The following ARPP21 variants were observed in gnomAD, a reference collection of about 807,000 sequenced individuals.
The protein encoded by ARPP21 is cAMP-regulated phosphoprotein 21.
In ARPP21, 69 loss-of-function variants were observed where a neutral mutation model predicts 113.2. The ratio of observed to expected loss-of-function variants is 0.61; its 90% CI spans 0.50 to 0.74. ARPP21 has a LOEUF of 0.74. Ranked by LOEUF, ARPP21 falls within the 30% of genes least tolerant of loss-of-function variation. The pLI is 0.00. For missense variants in ARPP21, 1,070 were observed against 1,037.4 expected (o/e 1.03, Z -0.43); for synonymous variants, 368 against 375.5 (o/e 0.98, Z 0.23).
chr3:35,648,267 A>ATATGGGTATTAT (rs1424201272), intron 1 of ARPP21, among the ~76,000 whole-genome samples: 1 of 152,192 alleles, frequency 6.6e-6, no homozygotes, highest in Non-Finnish European at 1.5e-5. Flanking sequence ...AAATGTTAAC[A>ATATGGGTATTAT]TATGGGTATT....
intron 9 of ARPP21, among the ~76,000 whole-genome samples, chr3:35,700,004 A>T (rs1214545946): frequency 6.6e-6 from 1 of 151,778 alleles, no homozygotes; most frequent in African/African-American, 2.4e-5. Flanking sequence ...TTTTGGATCA[A>T]TAATAATGTT....
Position 35,689,327 on chromosome 3 carries a change from G to C in ARPP21, c.427G>C (p.Asp143His). The C allele has an allele frequency of 6.3e-7, 1 of 1,577,962 alleles. No individual in the cohort carries two copies. The highest frequency in any genetic ancestry group is 8.7e-7 in the Non-Finnish European group (1 of 1,148,124). Residue 143 changes from aspartate (D) to histidine (H), a missense_variant, in exon 7 of 21, where the codon GAT becomes CAT. By Grantham distance (81) the Asp-to-His change is moderately conservative. Coordinates refer to ENST00000684406, the MANE Select transcript of ARPP21 (RefSeq NM_001385562.1). ...TTCAGATTGCAGCCAAGAATACACG[G>C]ATTCTACAGGCATAGACTTACACGA... ...LSKDCSQEYT[D>H]STGIDLHEFL...
chr3:35,690,759 A>T (rs2082015927), intron 8 of ARPP21, 106 bp from the exon 9 acceptor site: 1 of 1,030,050 alleles, frequency 9.7e-7, no homozygotes, highest in Non-Finnish European at 1.4e-6. Flanking sequence ...CAATAGGCTT[A>T]GTGGTTTAGA....
At chr3:35,667,391 A>G (rs2074656749) in intron 1 of ARPP21, among the ~76,000 whole-genome samples, 1 of 152,134 alleles carries the variant, frequency 6.6e-6, no homozygotes, top group Non-Finnish European at 1.5e-5. Context: ...ACGTGTCATA[A>G]TCTCATGACT....
At chr3:35,763,568 C>G (rs1023578849) in intron 19 of ARPP21, among the ~76,000 whole-genome samples, 1 of 152,078 alleles carries the variant, frequency 6.6e-6, no homozygotes, top group Non-Finnish European at 1.5e-5. Flanking sequence ...TCCCATGGAA[C>G]CACATGGAGC....
At chr3:35,749,777 T>G (rs1322691180) in intron 19 of ARPP21, among the ~76,000 whole-genome samples, 1 of 152,134 alleles carries the variant, frequency 6.6e-6, no homozygotes, top group African/African-American at 2.4e-5. Flanking sequence ...TAATCTTTGC[T>G]TAGTTTGGGT....
At chr3:35,644,194 C>G (rs1281747167) in intron 1 of ARPP21, among the ~76,000 whole-genome samples, 2 of 151,764 alleles carry the variant, frequency 1.3e-5, no homozygotes, top group Non-Finnish European at 3.0e-5. Flanking sequence ...CTTAGGGTGT[C>G]TTTGCTTCTG....
chr3:35,793,231 T>C (rs1220521766), intron 20 of ARPP21, among the ~76,000 whole-genome samples: 1 of 152,100 alleles, frequency 6.6e-6, no homozygotes, highest in Non-Finnish European at 1.5e-5. Flanking sequence ...AAGTTGCAGG[T>C]TGAGAATATA....
intron 13 of ARPP21, among the ~76,000 whole-genome samples, chr3:35,717,875 G>C (rs574983525): frequency 6.6e-6 from 1 of 152,218 alleles, no homozygotes; most frequent in South Asian, 2.1e-4. Context: ...AGGATAAGGG[G>C]ATAGGATGAT....
At chr3:35,719,245 A>G (rs752670725) in intron 13 of ARPP21, among the ~76,000 whole-genome samples, 3 of 152,242 alleles carry the variant, frequency 2.0e-5, no homozygotes, top group Admixed American at 6.5e-5. Flanking sequence ...AATATAAAAT[A>G]GAGGAGTACA....
At chr3:35,792,875 T>C (rs1395035230) in intron 20 of ARPP21, among the ~76,000 whole-genome samples, 1 of 152,224 alleles carries the variant, frequency 6.6e-6, no homozygotes, top group African/African-American at 2.4e-5. Flanking sequence ...TTCCCATTCA[T>C]TTTTGTACAC....
chr3:35,730,295 C>T (rs143733738), intron 15 of ARPP21, among the ~76,000 whole-genome samples: 1 of 152,294 alleles, frequency 6.6e-6, no homozygotes, highest in African/African-American at 2.4e-5. Context: ...GGAACATCTG[C>T]CAATTTGCAG....
intron 1 of ARPP21, among the ~76,000 whole-genome samples, chr3:35,675,455 A>C (rs2077242697): frequency 6.6e-6 from 1 of 151,910 alleles, no homozygotes; most frequent in Non-Finnish European, 1.5e-5. Context: ...CTGTAGCAGA[A>C]ATATGCACAA....
chr3:35,734,823 G>T (rs2094236731), intron 15 of ARPP21, among the ~76,000 whole-genome samples: 1 of 152,060 alleles, frequency 6.6e-6, no homozygotes, highest in South Asian at 2.1e-4. Context: ...CAATATATAG[G>T]CGAAGTGCAT....
intron 1 of ARPP21, among the ~76,000 whole-genome samples, chr3:35,667,885 A>AGAAGAAGAAGAG (rs777434867): frequency 0.027 from 2,644 of 97,684 alleles, 265 homozygotes; most frequent in East Asian, 0.083. Flanking sequence ...AAGAAGAAGA[A>AGAAGAAGAAGAG]GAAGAGGAAG....
chr3:35,644,950 T>C lies in ARPP21; in HGVS notation c.-213+4552T>C, dbSNP rs776689359. On this transcript the variant is annotated intron_variant, in intron 1 of 20. Transcript: ENST00000684406. ...CAGGTTTAGAAGATTTTTGTATACG[T>C]TTTGTAATAAACTGATATATATTAG... Among the ~76,000 whole-genome samples, 33 of 152,078 alleles carry C rather than the reference T, an allele frequency of 2.2e-4. No individual in the cohort carries two copies. In the Middle Eastern group the frequency reaches 0.01, roughly 47 times the overall value.
intron 1 of ARPP21, among the ~76,000 whole-genome samples, chr3:35,677,143 G>A (rs1179453099): frequency 6.6e-6 from 1 of 151,868 alleles, no homozygotes; most frequent in East Asian, 1.9e-4. Context: ...CTAATACAGT[G>A]ACACTCCCAA....
In ARPP21 at chr3:35,721,900, A is replaced by G. The variant is rs947481708; in HGVS notation, c.1225+66A>G. The stretch of plus-strand genomic sequence containing the variant: ...TGGATTCTACCCAAGCCATATGGTC[A>G]CCATTCCCTCTGACTTTCAGTTGAC... On this transcript the variant is annotated intron_variant, in intron 14 of 20. Transcript: ENST00000684406. 9 of 1,005,600 alleles carry G rather than the reference A, an allele frequency of 8.9e-6. No homozygotes were observed. In the African/African-American group the frequency reaches 1.1e-4, roughly 13 times the overall value. 62.3% of individuals were successfully genotyped at this position (1,005,600 alleles called of 1,614,324 possible). A position where few individuals can be genotyped will look rare whatever the true frequency, so the allele number is the denominator to read the frequency against.
At chr3:35,698,964 C>T (rs752504925) in intron 9 of ARPP21, among the ~76,000 whole-genome samples, 2 of 151,642 alleles carry the variant, frequency 1.3e-5, no homozygotes, top group Non-Finnish European at 3.0e-5. Flanking sequence ...TAAATTATGT[C>T]AGATGAAAAT....
Sources: gnomAD v4.1 joint callset for allele counts (sites outside exome capture counted in the v4.1 genomes callset) on GRCh38, gnomAD v4.1.1 for gene constraint, MANE v1.5 for transcripts, NCBI Gene and HGNC (gene_info 2026-07-23, HGNC 2026-07-21) for gene names.